THSD7B: variants seen among roughly 807,000 people sequenced by gnomAD.
THSD7B encodes the protein thrombospondin type 1 domain containing 7B.
In THSD7B, 138 loss-of-function variants were observed where a neutral mutation model predicts 213.6. That is an observed-to-expected ratio of 0.65 (90% CI 0.56 to 0.74). The LOEUF (loss-of-function observed/expected upper bound fraction) is 0.74. THSD7B is among the 30% of genes least tolerant of loss of function. THSD7B has a pLI of 0.00. For synonymous variants in THSD7B, 742 were observed against 687.0 expected, an observed-to-expected ratio of 1.08 and a Z score of -1.25; for missense variants, 1,931 against 1,991.5, an observed-to-expected ratio of 0.97 and a Z score of 0.58.
At chr2:137,183,321 A>C (rs1225924905) in intron 7 of THSD7B, among the ~76,000 whole-genome samples, 4 of 152,158 alleles carry the variant, frequency 2.6e-5, no homozygotes, top group Non-Finnish European at 5.9e-5. Context: ...GAAATTTAAC[A>C]CTGGTATAAT....
chr2:137,518,907 T>C (rs1249875025), intron 15 of THSD7B, among the ~76,000 whole-genome samples: 2 of 152,156 alleles, frequency 1.3e-5, no homozygotes, highest in Non-Finnish European at 2.9e-5. Context: ...GTTGATTATA[T>C]TGGACCTCTT....
intron 12 of THSD7B, among the ~76,000 whole-genome samples, chr2:137,322,107 G>C (rs1684275213): frequency 6.6e-6 from 1 of 152,146 alleles, no homozygotes; most frequent in Admixed American, 6.6e-5. Context: ...ATACCACTGT[G>C]GGAATATAAT....
intron 12 of THSD7B, among the ~76,000 whole-genome samples, chr2:137,375,153 G>C (rs920460982): frequency 6.6e-6 from 1 of 152,116 alleles, no homozygotes; most frequent in African/African-American, 2.4e-5. Context: ...AATATTGTTA[G>C]TCACATTAAG....
intron 1 of THSD7B, among the ~76,000 whole-genome samples, chr2:136,828,709 A>G (rs1050279512): frequency 1.3e-5 from 2 of 152,200 alleles, no homozygotes; most frequent in Non-Finnish European, 2.9e-5. Flanking sequence ...TGCACATGCT[A>G]TACTCAGACT....
chr2:137,224,201 G>C (rs1681446191), intron 7 of THSD7B, among the ~76,000 whole-genome samples: 1 of 152,158 alleles, frequency 6.6e-6, no homozygotes. Context: ...TTCTCACCTT[G>C]AGTAACACAT....
intron 15 of THSD7B, among the ~76,000 whole-genome samples, chr2:137,477,870 A>T (rs1322075173): frequency 6.6e-6 from 1 of 151,774 alleles, no homozygotes; most frequent in African/African-American, 2.4e-5. Flanking sequence ...TTCTTGACTG[A>T]TAGTTTTTTT....
At chr2:137,376,563 A>C (rs1685660480) in intron 12 of THSD7B, among the ~76,000 whole-genome samples, 1 of 152,206 alleles carries the variant, frequency 6.6e-6, no homozygotes, top group Non-Finnish European at 1.5e-5. Context: ...TATTCCTTCA[A>C]AAGTGGAATA....
At chr2:136,965,020 A>AAC (rs1052582666) in intron 2 of THSD7B, among the ~76,000 whole-genome samples, 5 of 151,918 alleles carry the variant, frequency 3.3e-5, no homozygotes, top group Admixed American at 1.3e-4. Flanking sequence ...CAAAAAAAAA[A>AAC]AAAAAAAAAG....
intron 7 of THSD7B, among the ~76,000 whole-genome samples, chr2:137,193,737 T>C (rs1260928093): frequency 6.6e-6 from 1 of 151,954 alleles, no homozygotes; most frequent in Non-Finnish European, 1.5e-5. Flanking sequence ...TTTCAAGGAC[T>C]GTTATAAACT....
intron 2 of THSD7B, among the ~76,000 whole-genome samples, chr2:137,013,379 G>C (rs372315827): frequency 6.6e-6 from 1 of 152,120 alleles, no homozygotes; most frequent in Admixed American, 6.5e-5. Flanking sequence ...GGGGAACCCA[G>C]GTAGACCCAG....
At chr2:137,183,954 G>T (rs903425500) in intron 7 of THSD7B, among the ~76,000 whole-genome samples, 1 of 152,064 alleles carries the variant, frequency 6.6e-6, no homozygotes, top group East Asian at 1.9e-4. Flanking sequence ...AAAGATAATG[G>T]AACCTTCTGT....
intron 12 of THSD7B, among the ~76,000 whole-genome samples, chr2:137,334,962 C>G (rs1003371312): frequency 2.0e-5 from 3 of 152,176 alleles, no homozygotes; most frequent in Non-Finnish European, 4.4e-5. Flanking sequence ...CACTCATTCT[C>G]TCTCCTGCTG....
intron 15 of THSD7B, among the ~76,000 whole-genome samples, chr2:137,562,594 TTGTGTGTGTGTGTGTGTG>T (rs72488766): frequency 1.4e-5 from 2 of 144,968 alleles, no homozygotes; most frequent in South Asian, 2.2e-4. Context: ...GTATTTCTCT[TTGTGTGTGTGTGTGTGTG>T]TGTGTGTGTG....
chr2:137,295,815 T>A (rs776893466), intron 12 of THSD7B, among the ~76,000 whole-genome samples: 5 of 152,112 alleles, frequency 3.3e-5, no homozygotes, highest in Non-Finnish European at 7.4e-5. Flanking sequence ...GCTTATTTGT[T>A]TTTAAATGCT....
intron 2 of THSD7B, among the ~76,000 whole-genome samples, chr2:136,903,501 T>A (rs563727933): frequency 6.6e-6 from 1 of 152,158 alleles, no homozygotes; most frequent in South Asian, 2.1e-4. Context: ...TGTTGTAACA[T>A]ATGTTTTTCT....
At chr2:137,488,968 A>C in intron 15 of THSD7B, among the ~76,000 whole-genome samples, 1 of 152,304 alleles carries the variant, frequency 6.6e-6, no homozygotes, top group African/African-American at 2.4e-5. Context: ...GATTTTAGGG[A>C]TAAAGTTGAA....
chr2:137,489,141 G>A (rs192766675), intron 15 of THSD7B, among the ~76,000 whole-genome samples: 8 of 152,224 alleles, frequency 5.3e-5, no homozygotes, highest in African/African-American at 1.4e-4. Context: ...TTAGGAAAAT[G>A]TTGGGCTGGG....
chr2:136,890,139 T>C (rs573956497), intron 2 of THSD7B, among the ~76,000 whole-genome samples: 2 of 152,248 alleles, frequency 1.3e-5, no homozygotes, highest in East Asian at 3.9e-4. Context: ...TGCACATTGC[T>C]ACCTGTTTGC....
At chr2:137,011,846 T>C (rs1558886313) in intron 2 of THSD7B, among the ~76,000 whole-genome samples, 1 of 152,214 alleles carries the variant, frequency 6.6e-6, no homozygotes, top group Non-Finnish European at 1.5e-5. Flanking sequence ...GTTTGATCAC[T>C]ACCGTCTTCA....
Sources: allele counts gnomAD v4.1 joint callset (sites outside exome capture counted in the v4.1 genomes callset), GRCh38; gene constraint gnomAD v4.1.1; transcripts MANE v1.5; gene names NCBI Gene and HGNC (gene_info 2026-07-23, HGNC 2026-07-21).